The following HMGN5 variants were observed in gnomAD, a reference collection of about 807,000 sequenced individuals.
HMGN5 encodes the protein high mobility group nucleosome binding domain 5.
A neutral mutation model predicts 9.5 loss-of-function variants in HMGN5; 4 were observed. The observed-to-expected ratio is 0.42, with a 90% confidence interval of 0.21 to 0.96. The LOEUF is 0.96. Ranked by LOEUF, HMGN5 falls within the 40% of genes least tolerant of loss-of-function variation. The pLI, the probability that HMGN5 is intolerant of heterozygous loss-of-function variation, is 0.30. For synonymous variants in HMGN5, 55 were observed against 57.1 expected (o/e 0.96, Z 0.16); for missense variants, 192 against 187.5 (o/e 1.02, Z -0.14).
rs73231016 is a variant in HMGN5, at chrX:81,149,647, T to C, written c.-123-27975A>G. Among the ~76,000 whole-genome samples, 705 of 111,935 alleles carry C rather than the reference T, an allele frequency of 6.3e-3. 1 individual carries two copies. The highest frequency in any genetic ancestry group is 0.014 in the Middle Eastern group (3 of 217). On this transcript the variant is annotated intron_variant, in intron 1 of 6. Transcript: ENST00000358130. ...ATAAAAAATACAAGACCCATTGATC[T>C]GTTGCCTGAAAGAAATACAATTCAC... is the stretch of plus-strand genomic sequence containing the variant.
At chrX:81,139,077 A>T (rs1248948149) in intron 1 of HMGN5, among the ~76,000 whole-genome samples, 1 of 112,418 alleles carries the variant, frequency 8.9e-6, no homozygotes, top group African/African-American at 3.2e-5. Context: ...TGTAATTCTT[A>T]TTAAAATTTC....
chrX:81,149,558 C>A (rs762175179), intron 1 of HMGN5, among the ~76,000 whole-genome samples: 1 of 111,734 alleles, frequency 8.9e-6, no homozygotes, highest in South Asian at 3.8e-4. Context: ...CACCATGGCA[C>A]ATGTATACCT....
chrX:81,131,260 T>C (rs1443714637), intron 1 of HMGN5, among the ~76,000 whole-genome samples: 1 of 111,703 alleles, frequency 9.0e-6, no homozygotes, highest in African/African-American at 3.3e-5. Context: ...CTGGCATTAT[T>C]CCCAGGGCTC....
intron 1 of HMGN5, among the ~76,000 whole-genome samples, chrX:81,137,061 A>T (rs1437278322): frequency 4.5e-5 from 5 of 111,479 alleles, no homozygotes; most frequent in Admixed American, 3.8e-4. Context: ...CAAATGCATG[A>T]AGCAAAATCT....
intron 1 of HMGN5, among the ~76,000 whole-genome samples, chrX:81,170,556 A>T (rs950504428): frequency 9.0e-6 from 1 of 111,669 alleles, no homozygotes; most frequent in Non-Finnish European, 1.9e-5. Flanking sequence ...TGCCTAATTT[A>T]TAAAACTATA....
Position 81,160,489 on chromosome X carries a change from T to C in HMGN5, c.-123-38817A>G, listed in dbSNP as rs144726775. ...ATCTAGGTTTTAAGCCCCACATTGA[T>C]TACCTATTTTTCCTAATGCTCTCCT... is the stretch of plus-strand genomic sequence containing the variant. On this transcript the variant is annotated intron_variant, in intron 1 of 6. Transcript: ENST00000358130. 4.5e-5 allele frequency among the ~76,000 whole-genome samples: 5 copies of C among 111,034 alleles called. No individual in the cohort carries two copies. The East Asian group carries it at 1.4e-3, about 31-fold the overall frequency.
intron 1 of HMGN5, among the ~76,000 whole-genome samples, chrX:81,146,790 A>C (rs2075345560): frequency 8.9e-6 from 1 of 111,779 alleles, no homozygotes; most frequent in Non-Finnish European, 1.9e-5. Flanking sequence ...AATCAAATAG[A>C]CACAATAAAA....
chrX:81,158,578 G>A (rs2075389903), intron 1 of HMGN5, among the ~76,000 whole-genome samples: 1 of 112,157 alleles, frequency 8.9e-6, no homozygotes, highest in African/African-American at 3.2e-5. Context: ...TTTGTCAGAT[G>A]GATAGGCTGC....
At chrX:81,200,608 C>T (rs1173794556) in intron 1 of HMGN5, among the ~76,000 whole-genome samples, 1 of 111,511 alleles carries the variant, frequency 9.0e-6, no homozygotes, top group Non-Finnish European at 1.9e-5. Flanking sequence ...ATCACAAGGA[C>T]AGAAAACCAA....
At chrX:81,174,860 A>G (rs1334108260) in intron 1 of HMGN5, among the ~76,000 whole-genome samples, 1 of 111,430 alleles carries the variant, frequency 9.0e-6, no homozygotes, top group Non-Finnish European at 1.9e-5. Flanking sequence ...TATCTGCTTT[A>G]TAGTATATGT....
At chrX:81,170,305 T>C (rs903009928) in intron 1 of HMGN5, among the ~76,000 whole-genome samples, 1 of 111,312 alleles carries the variant, frequency 9.0e-6, no homozygotes, top group Non-Finnish European at 1.9e-5. Flanking sequence ...ACTGAGTCCA[T>C]GAATAGAGCA....
chrX:81,131,287 T>C (rs2075297172), intron 1 of HMGN5, among the ~76,000 whole-genome samples: 1 of 110,981 alleles, frequency 9.0e-6, no homozygotes, highest in Non-Finnish European at 1.9e-5. Context: ...GCTGTGTGGG[T>C]TTTTTATATA....
chrX:81,190,673 C>T (rs2075491619), intron 1 of HMGN5, among the ~76,000 whole-genome samples: 1 of 111,622 alleles, frequency 9.0e-6, no homozygotes, highest in African/African-American at 3.3e-5. Context: ...AGATTTTCTC[C>T]TATGGTATCT....
chrX:81,138,196 G>T (rs1292079731), intron 1 of HMGN5, among the ~76,000 whole-genome samples: 1 of 111,766 alleles, frequency 8.9e-6, no homozygotes, highest in Non-Finnish European at 1.9e-5. Flanking sequence ...AGAAATTTTT[G>T]ATAAAACTTT....
At chrX:81,119,851 T>C (rs771618540) in intron 2 of HMGN5, 34 bp from the exon 3 acceptor site, 2 of 1,143,815 alleles carry the variant, frequency 1.7e-6, no homozygotes, top group Non-Finnish European at 2.4e-6. Flanking sequence ...AGAAATAAGG[T>C]CATTGATATA....
rs767088785 is a variant in HMGN5 at position 81,115,046 on chromosome X, T to A, written c.452A>T (p.Glu151Val). ...KGEAGKEDKD[E>V]KGEEDGKEDK... is the part of the protein sequence containing the mutation. ...CTCTTTTCCATCTTCTTCCCCTTTT[T>A]CATCTTTGTCTTCTTTTCCAGCTTC... Residue 151 changes from glutamate to valine, a missense_variant, in exon 7 of 7, where the codon GAA becomes GTA. Glu to Val is a moderately radical substitution (Grantham distance 121, BLOSUM62 -2). Coordinates refer to ENST00000358130, the MANE Select transcript of HMGN5 (RefSeq NM_030763.3). 1.3e-5 allele frequency: 15 copies of A among 1,155,513 alleles called. No homozygotes were observed. The South Asian group carries it at 2.2e-4, about 17-fold the overall frequency.
intron 1 of HMGN5, among the ~76,000 whole-genome samples, chrX:81,167,453 T>TAC (rs371953666): frequency 0.017 from 1,735 of 102,859 alleles, 17 homozygotes; most frequent in South Asian, 0.028. Flanking sequence ...CATATTTGTG[T>TAC]ACACACACAC....
intron 1 of HMGN5, among the ~76,000 whole-genome samples, chrX:81,189,756 T>A (rs980275772): frequency 1.8e-5 from 2 of 112,098 alleles, no homozygotes; most frequent in Non-Finnish European, 3.8e-5. Flanking sequence ...AGCAGCATGA[T>A]TGCTGGGTAA....
chrX:81,133,296 C>G (rs1307632874), intron 1 of HMGN5, among the ~76,000 whole-genome samples: 1 of 111,563 alleles, frequency 9.0e-6, no homozygotes, highest in African/African-American at 3.3e-5. Flanking sequence ...GACAGTGTGA[C>G]AATTCCTCAA....
Sources: allele counts gnomAD v4.1 joint callset (sites outside exome capture counted in the v4.1 genomes callset), GRCh38; gene constraint gnomAD v4.1.1; transcripts MANE v1.5; gene names NCBI Gene and HGNC (gene_info 2026-07-23, HGNC 2026-07-21).